The following RAB3C variants were observed in gnomAD, a reference collection of about 807,000 sequenced individuals.
The protein encoded by RAB3C is ras-related protein Rab-3C.
A neutral mutation model predicts 26.4 loss-of-function variants in RAB3C; 17 were observed. The observed-to-expected ratio is 0.64, with a 90% CI of 0.44 to 0.97. RAB3C has a LOEUF of 0.97. Among genes scored for constraint, RAB3C ranks in the 50% least tolerant of loss-of-function variants. The probability of loss-of-function intolerance (pLI) is 0.00; values close to 1 mark genes in which losing one functional copy is unlikely to be tolerated. For missense variants in RAB3C, 242 were observed against 281.9 expected (o/e 0.86, Z 1.01); for synonymous variants, 91 against 95.9 (o/e 0.95, Z 0.30).
intron 2 of RAB3C, among the ~76,000 whole-genome samples, chr5:58,671,964 A>T (rs1748127270): frequency 6.6e-6 from 1 of 152,198 alleles, no homozygotes; most frequent in Non-Finnish European, 1.5e-5. Flanking sequence ...TTTAATTTTA[A>T]ATAAGAATTA....
chr5:58,621,486 T>G (rs1480636628), intron 2 of RAB3C, among the ~76,000 whole-genome samples: 1 of 152,196 alleles, frequency 6.6e-6, no homozygotes, highest in Non-Finnish European at 1.5e-5. Flanking sequence ...ATGACAAAAA[T>G]TGTAATAAAT....
intron 3 of RAB3C, among the ~76,000 whole-genome samples, chr5:58,776,478 C>T (rs76212848): frequency 6.6e-6 from 1 of 152,080 alleles, no homozygotes; most frequent in Non-Finnish European, 1.5e-5. Flanking sequence ...CTAGTCTTAG[C>T]CTGTTTGTTA....
At chr5:58,592,150 C>T (rs1227131033) in intron 1 of RAB3C, among the ~76,000 whole-genome samples, 6 of 152,080 alleles carry the variant, frequency 3.9e-5, no homozygotes, top group African/African-American at 1.4e-4. Flanking sequence ...CCACCTGCGT[C>T]GGCCTCCTAA....
chr5:58,584,848 C>A (rs980711421), intron 1 of RAB3C, among the ~76,000 whole-genome samples: 7 of 152,074 alleles, frequency 4.6e-5, no homozygotes, highest in Non-Finnish European at 4.4e-5. Context: ...TGCTTTCTTA[C>A]AGAGTTGCTT....
intron 2 of RAB3C, among the ~76,000 whole-genome samples, chr5:58,641,762 G>T (rs1747416750): frequency 1.3e-5 from 2 of 152,216 alleles, no homozygotes; most frequent in African/African-American, 4.8e-5. Context: ...TGACTGGGGA[G>T]AAGTCTGTCT....
At chr5:58,664,385 T>A (rs886257405) in intron 2 of RAB3C, among the ~76,000 whole-genome samples, 12 of 152,184 alleles carry the variant, frequency 7.9e-5, no homozygotes, top group Admixed American at 5.9e-4. Context: ...TCATATATTA[T>A]ATGATTCCAT....
intron 4 of RAB3C, among the ~76,000 whole-genome samples, chr5:58,835,859 AG>A (rs1212853831): frequency 6.6e-6 from 1 of 152,252 alleles, no homozygotes; most frequent in African/African-American, 2.4e-5. Context: ...GAGCTGAAAA[AG>A]ATTAAATCAA....
intron 2 of RAB3C, among the ~76,000 whole-genome samples, chr5:58,659,044 A>G (rs544848837): frequency 6.6e-6 from 1 of 152,282 alleles, no homozygotes; most frequent in Admixed American, 6.5e-5. Context: ...TCACATCATA[A>G]AAGGGGAATG....
At chr5:58,590,061 C>T (rs1026422674) in intron 1 of RAB3C, among the ~76,000 whole-genome samples, 1 of 152,122 alleles carries the variant, frequency 6.6e-6, no homozygotes, top group Non-Finnish European at 1.5e-5. Context: ...GCTGGGTGGA[C>T]CTGAGCAAAG....
intron 2 of RAB3C, among the ~76,000 whole-genome samples, chr5:58,648,316 C>G (rs991697480): frequency 3.9e-5 from 6 of 152,180 alleles, no homozygotes; most frequent in African/African-American, 1.4e-4. Flanking sequence ...ATTCAACAAA[C>G]ACTTATTCGA....
At chr5:58,753,487 G>A (rs1055311388) in intron 3 of RAB3C, among the ~76,000 whole-genome samples, 4 of 152,112 alleles carry the variant, frequency 2.6e-5, no homozygotes, top group Admixed American at 6.6e-5. Context: ...GAACTTGATC[G>A]AGAAGTAATC....
intron 2 of RAB3C, among the ~76,000 whole-genome samples, chr5:58,699,268 C>T (rs1223620755): frequency 1.8e-5 from 2 of 113,214 alleles, no homozygotes; most frequent in Admixed American, 1.7e-4. Context: ...GGCTGCAGAA[C>T]AGCAAATATT....
intron 2 of RAB3C, among the ~76,000 whole-genome samples, chr5:58,722,139 C>T (rs1407441255): frequency 6.6e-6 from 1 of 151,712 alleles, no homozygotes; most frequent in Admixed American, 6.6e-5. Context: ...TCTTTACTGT[C>T]AAAATGAAAT....
At chr5:58,588,290 C>A (rs539791628) in intron 1 of RAB3C, among the ~76,000 whole-genome samples, 17 of 152,044 alleles carry the variant, frequency 1.1e-4, no homozygotes, top group Non-Finnish European at 2.5e-4. Context: ...AAATCTTTTG[C>A]CAAAGTGGGA....
intron 3 of RAB3C, among the ~76,000 whole-genome samples, chr5:58,781,709 G>A (rs958024846): frequency 6.6e-6 from 1 of 151,998 alleles, no homozygotes; most frequent in African/African-American, 2.4e-5. Context: ...CCCTTAGCAT[G>A]TAGAGCTCCC....
intron 4 of RAB3C, among the ~76,000 whole-genome samples, chr5:58,837,445 G>T (rs556423718): frequency 6.6e-6 from 1 of 151,808 alleles, no homozygotes; most frequent in Admixed American, 6.5e-5. Context: ...GCCTCCCAAA[G>T]TGCTGGGATT....
chr5:58,583,001 C>A (rs1266078073), upstream of RAB3C: 2 of 1,357,462 alleles, frequency 1.5e-6, no homozygotes, highest in Non-Finnish European at 9.6e-7. Context: ...ACCCGGAGGG[C>A]GAGACTACAG....
At chr5:58,645,673 A>C (rs529854795) in intron 2 of RAB3C, among the ~76,000 whole-genome samples, 6 of 152,356 alleles carry the variant, frequency 3.9e-5, no homozygotes, top group Non-Finnish European at 8.8e-5. Context: ...GTAACTAAGC[A>C]GTGGATATCA....
chr5:58,627,510 A>C (rs1375645481), intron 2 of RAB3C, among the ~76,000 whole-genome samples: 2 of 70,230 alleles, frequency 2.8e-5, no homozygotes, highest in African/African-American at 1.3e-4. Flanking sequence ...AAAAAAAAAA[A>C]AAAAAAAAAC....
Sources: allele counts gnomAD v4.1 joint callset (sites outside exome capture counted in the v4.1 genomes callset), GRCh38; gene constraint gnomAD v4.1.1; transcripts MANE v1.5; gene names NCBI Gene and HGNC (gene_info 2026-07-23, HGNC 2026-07-21).